Variants in ITGB3 observed in about 807,000 individuals in gnomAD.
ITGB3 encodes integrin subunit beta 3.
Under a neutral mutation model 85.8 loss-of-function variants are expected in ITGB3, and 48 were observed. That is an observed-to-expected ratio of 0.56 (90% CI 0.44 to 0.71). The LOEUF (loss-of-function observed/expected upper bound fraction) is 0.71. ITGB3 is among the 30% of genes least tolerant of loss of function. The pLI is 0.00. For missense variants in ITGB3, 861 were observed against 1,019.1 expected (o/e 0.84, Z 2.11); for synonymous variants, 363 against 395.6 (o/e 0.92, Z 0.98).
chr17:47,284,918 C>G (rs1422616979), intron 4 of ITGB3, among the ~76,000 whole-genome samples: 1 of 152,154 alleles, frequency 6.6e-6, no homozygotes, highest in African/African-American at 2.4e-5. Flanking sequence ...AAAGAAAATT[C>G]ATCAGCTTCT....
chr17:47,286,244 T>C lies in ITGB3; in HGVS notation c.615-16T>C, dbSNP rs1218761273. On this transcript the variant is annotated splice_polypyrimidine_tract_variant and intron_variant, in intron 4 of 14. Coordinates refer to ENST00000559488, the MANE Select transcript of ITGB3 (RefSeq NM_000212.3). ...CATGAAGGTGTCTGCTTAAATTATC[T>C]CCCATCCCTCCCCAGTATGAAGACC... The C allele has an allele frequency of 6.2e-7, 1 of 1,614,076 alleles. No homozygotes were observed.
At chr17:47,275,671 CTGGGAGGCTGTGTTTATCA>C (rs1278740486) in intron 2 of ITGB3, among the ~76,000 whole-genome samples, 10 of 152,312 alleles carry the variant, frequency 6.6e-5, no homozygotes, top group Admixed American at 5.2e-4. Flanking sequence ...GGGGCGGGAG[CTGGGAGGCTGTGTTTATCA>C]CCGGCCAGGA....
chr17:47,267,687 C>T (rs2065030294), intron 1 of ITGB3, among the ~76,000 whole-genome samples: 1 of 152,158 alleles, frequency 6.6e-6, no homozygotes. Context: ...ATTTTATCCT[C>T]TGGGGTCAGG....
At chr17:47,259,167 C>A (rs982643849) in intron 1 of ITGB3, among the ~76,000 whole-genome samples, 4 of 152,246 alleles carry the variant, frequency 2.6e-5, no homozygotes, top group African/African-American at 9.6e-5. Context: ...TAGCAACCAA[C>A]ACTTATTATT....
At chr17:47,255,047 C>G (rs2064983738) in intron 1 of ITGB3, among the ~76,000 whole-genome samples, 1 of 152,080 alleles carries the variant, frequency 6.6e-6, no homozygotes, top group South Asian at 2.1e-4. Context: ...GGTGGGTTCT[C>G]GGCTCACTGC....
chr17:47,302,805 G>T lies in ITGB3; in HGVS notation c.2099G>T (p.Ser700Ile). 1 of 1,614,206 alleles carries T rather than the reference G, an allele frequency of 6.2e-7. No homozygotes were observed. Among genetic ancestry groups the T allele is most frequent in the Non-Finnish European group, 8.5e-7 (1 of 1,180,010 alleles). ...AGATTCCAGTACTATGAAGATTCTAGTGGAAAGTCCATCCTGTATGTGGTA... is the reference window on the plus strand; with the variant it reads ...AGATTCCAGTACTATGAAGATTCTATTGGAAAGTCCATCCTGTATGTGGTA... ...VVRFQYYEDS[S>I]GKSILYVVEE... The change falls in exon 13 of 15, where the codon AGT becomes ATT. Residue 700 changes from serine to isoleucine, a missense_variant. By Grantham distance (142) the Ser-to-Ile change is moderately radical. Transcript: ENST00000559488.
chr17:47,278,058 A>G (rs2065069909), intron 2 of ITGB3, among the ~76,000 whole-genome samples: 1 of 152,254 alleles, frequency 6.6e-6, no homozygotes. Context: ...AAATGTGAAT[A>G]CCAACAACTA....
At chr17:47,308,959 C>T (rs1281885751) in intron 14 of ITGB3, among the ~76,000 whole-genome samples, 1 of 131,780 alleles carries the variant, frequency 7.6e-6, no homozygotes. Flanking sequence ...CTCCCCTCCC[C>T]TCCCCTCTCC....
chr17:47,258,589 T>C (rs1410450054), intron 1 of ITGB3, among the ~76,000 whole-genome samples: 1 of 152,126 alleles, frequency 6.6e-6, no homozygotes, highest in Non-Finnish European at 1.5e-5. Flanking sequence ...TCCCCTAAAA[T>C]TCCCCCAAGC....
chr17:47,289,666 C>T lies in ITGB3; in HGVS notation c.940-15C>T, dbSNP rs746605098. ...CATGAGACGTCATTAACCTCTACAT[C>T]CTTCATTTTCCTAGGATTATCCCTC... On this transcript the variant is annotated splice_polypyrimidine_tract_variant and intron_variant, in intron 6 of 14. Coordinates refer to ENST00000559488, the MANE Select transcript of ITGB3 (RefSeq NM_000212.3). 1.1e-5 allele frequency: 17 copies of T among 1,577,348 alleles called. No individual in the cohort carries two copies. Among genetic ancestry groups the T allele is most frequent in the Non-Finnish European group, 1.5e-5 (17 of 1,146,350 alleles).
At chr17:47,274,964 G>T (rs1413452959) in intron 2 of ITGB3, among the ~76,000 whole-genome samples, 2 of 152,150 alleles carry the variant, frequency 1.3e-5, no homozygotes, top group Admixed American at 1.3e-4. Flanking sequence ...ATTTCTTGGG[G>T]TGGAATATCC....
intron 1 of ITGB3, among the ~76,000 whole-genome samples, chr17:47,269,569 C>T (rs762049710): frequency 6.6e-6 from 1 of 152,206 alleles, no homozygotes; most frequent in Non-Finnish European, 1.5e-5. Flanking sequence ...TCTGAGACCA[C>T]CTCAGCCTGG....
intron 1 of ITGB3, among the ~76,000 whole-genome samples, chr17:47,272,684 T>C (rs1309798079): frequency 1.5e-5 from 2 of 134,308 alleles, no homozygotes; most frequent in Non-Finnish European, 3.2e-5. Flanking sequence ...TTTCTTTTTT[T>C]TTCTTTCTTT....
intron 1 of ITGB3, 50 bp downstream of exon 1, chr17:47,253,990 C>A: frequency 8.1e-7 from 1 of 1,232,990 alleles, no homozygotes; most frequent in Non-Finnish European, 1.1e-6. Context: ...AGGATCTGCG[C>A]CCCGGTCAAG....
At chr17:47,309,309 C>A (rs112565856) in intron 14 of ITGB3, among the ~76,000 whole-genome samples, 3,160 of 152,026 alleles carry the variant, frequency 0.021, 117 homozygotes, top group African/African-American at 0.072. Context: ...TACCTTGGCC[C>A]CTAAAAGTGC....
intron 2 of ITGB3, among the ~76,000 whole-genome samples, chr17:47,277,664 A>T (rs1443729269): frequency 6.6e-6 from 1 of 152,210 alleles, no homozygotes; most frequent in East Asian, 1.9e-4. Flanking sequence ...GTTTGTCCCA[A>T]ATATTTGCTA....
Position 47,292,224 on chromosome 17 carries a change from A to G in ITGB3, c.1346A>G (p.Asp449Gly). Residue 449 changes from aspartate to glycine, a missense_variant, in exon 10 of 15, where the codon GAC becomes GGC. Coordinates refer to ENST00000559488, the MANE Select transcript of ITGB3 (RefSeq NM_000212.3). ...SFTIKPVGFK[D>G]SLIVQVTFDC... ...ACCATAAAGCCCGTGGGCTTCAAGGACAGCCTGATCGTCCAGGTCACCTTT... is the reference window on the plus strand; with the variant it reads ...ACCATAAAGCCCGTGGGCTTCAAGGGCAGCCTGATCGTCCAGGTCACCTTT... The G allele has an allele frequency of 6.2e-7, 1 of 1,614,232 alleles. No individual in the cohort carries two copies.
At position 47,310,299 on chromosome 17, in the gene ITGB3, G is replaced by T; in HGVS notation, c.*95G>T. 8.0e-7 allele frequency: 1 copy of T among 1,251,860 alleles called. No homozygotes were observed. The highest frequency in any genetic ancestry group is 1.2e-6 in the Non-Finnish European group (1 of 857,026). The allele number at this position is 1,251,860 out of a possible 1,614,324, so 77.5% of individuals were successfully genotyped here. On this transcript the variant is annotated 3_prime_UTR_variant, in exon 15 of 15. Coordinates refer to ENST00000559488, the MANE Select transcript of ITGB3 (RefSeq NM_000212.3). ...ACAGAGGACAGTATTTGTGGGGAGGGATTTGGGGCTCAGAGTGGGGTAGGT... is the reference window on the plus strand; with the variant it reads ...ACAGAGGACAGTATTTGTGGGGAGGTATTTGGGGCTCAGAGTGGGGTAGGT...
At chr17:47,266,085 A>AT (rs886604500) in intron 1 of ITGB3, among the ~76,000 whole-genome samples, 54 of 149,226 alleles carry the variant, frequency 3.6e-4, no homozygotes, top group Middle Eastern at 3.4e-3. Flanking sequence ...TAAGCATGAG[A>AT]TTTTTTTTTT....
Sources: allele counts gnomAD v4.1 joint callset (sites outside exome capture counted in the v4.1 genomes callset), GRCh38; gene constraint gnomAD v4.1.1; transcripts MANE v1.5; gene names NCBI Gene and HGNC (gene_info 2026-07-23, HGNC 2026-07-21).